The following HTRA2 variants were observed in gnomAD, a reference collection of about 807,000 sequenced individuals.
The protein encoded by HTRA2 is serine protease HTRA2, mitochondrial.
HTRA2 carries 24 observed loss-of-function variants against 42.2 expected under a neutral mutation model. That is an observed-to-expected ratio of 0.57 (90% CI 0.41 to 0.80). The LOEUF (loss-of-function observed/expected upper bound fraction) is 0.80. HTRA2 is among the 30% of genes least tolerant of loss of function. HTRA2 has a pLI of 0.00. For missense variants in HTRA2, 466 were observed against 613.5 expected, an observed-to-expected ratio of 0.76 and a Z score of 2.54; for synonymous variants, 245 against 255.8, an observed-to-expected ratio of 0.96 and a Z score of 0.40.
chr2:74,531,636 G>A lies in HTRA2; in HGVS notation c.979G>A (p.Ala327Thr). Residue 327 changes from alanine (A) to threonine (T), a missense_variant, in exon 5 of 8, where the codon GCT becomes ACT. Around this residue, in one of 3 missense-constraint regions of HTRA2, gnomAD observed 115 missense variants for 245.4 expected, o/e 0.47. Coordinates refer to ENST00000258080, the MANE Select transcript of HTRA2 (RefSeq NM_013247.5). ...VIGVNTMKVT[A>T]GISFAIPSDR... ...TGGAGTGAACACCATGAAGGTCACAGCTGGAATCTCCTTTGCCATCCCTTC... is the reference window on the plus strand; with the variant it reads ...TGGAGTGAACACCATGAAGGTCACAACTGGAATCTCCTTTGCCATCCCTTC... 2.5e-6 allele frequency: 4 copies of A among 1,614,210 alleles called. No individual in the cohort carries two copies. Among genetic ancestry groups the A allele is most frequent in the Non-Finnish European group, 3.4e-6 (4 of 1,180,046 alleles).
intron 3 of HTRA2, 69 bp downstream of exon 3, chr2:74,531,174 A>G (rs1390877681): frequency 6.4e-7 from 1 of 1,573,508 alleles, no homozygotes; most frequent in African/African-American, 1.3e-5. Context: ...TACAAGCACC[A>G]ACTGATATAT....
At chr2:74,533,430 C>T (rs1276013343), downstream of HTRA2, 7 of 608,962 alleles carry the variant, frequency 1.1e-5, no homozygotes, top group South Asian at 7.8e-5. Flanking sequence ...GCTACAGATA[C>T]TGACAGCTGG....
At position 74,530,766 on chromosome 2, in the gene HTRA2, TG is replaced by T. The variant is rs1273862094; in HGVS notation, c.658del (p.Val220SerfsTer13). 6.2e-7 allele frequency: 1 copy of T among 1,614,110 alleles called. No homozygotes were observed. ...CTAAGCGGCGACACGTATGAGGCCG[TG>T]GTCACAGCTGTGGATCCCGTGGCAG... is the stretch of plus-strand genomic sequence containing the variant. ...RLLSGDTYEA[V>X]VTAVDPVADI... On this transcript the variant is annotated frameshift_variant, in exon 2 of 8. Transcript: ENST00000258080. LOFTEE classifies it high-confidence loss of function. The surrounding 1 kb of genome is among the most constrained non-coding windows in gnomAD (Gnocchi z 7.4).
chr2:74,532,067 C>A, intron 6 of HTRA2, 142 bp downstream of exon 6: 1 of 848,862 alleles, frequency 1.2e-6, no homozygotes, highest in Non-Finnish European at 1.9e-6. Context: ...TGTCTCCCTT[C>A]ATCATCTTGA....
At chr2:74,531,255 A>C (rs1247320528) in intron 3 of HTRA2, 84 bp from the exon 4 acceptor site, 3 of 1,570,282 alleles carry the variant, frequency 1.9e-6, no homozygotes, top group Non-Finnish European at 2.6e-6. Context: ...GAAAGAAGAG[A>C]ATTTGGAGAA....
At chr2:74,533,322 T>C, downstream of HTRA2, 1 of 531,292 alleles carries the variant, frequency 1.9e-6, no homozygotes, top group East Asian at 3.3e-5. Context: ...TGCTGCCATC[T>C]TTTGTGGGCA....
Position 74,530,387 on chromosome 2 carries a change from T to G in HTRA2, c.381T>G (p.Gly127=). Residue 127 remains glycine, a synonymous_variant, in exon 1 of 8, where the codon GGT becomes GGG. Transcript: ENST00000258080. This position sits in a 1 kb window ranked among gnomAD's most constrained non-coding sequence, Gnocchi z 7.4. ...TGTTGTTGTGGGGCGGGGGTCGGGG[T>G]CCTCCGGCCGTCCTCGCCGCCGTCC... The part of the protein sequence containing the change: ...VLLLLWGGGR[G]PPAVLAAVPS... 6.3e-7 allele frequency: 1 copy of G among 1,591,044 alleles called. No individual in the cohort carries two copies. The highest frequency in any genetic ancestry group is 8.5e-7 in the Non-Finnish European group (1 of 1,171,298).
Position 74,530,470 on chromosome 2 carries a change from A to T in HTRA2, c.464A>T (p.Glu155Val). The change falls in exon 1 of 8, where the codon GAG becomes GTG. Residue 155 changes from glutamate (E) to valine (V), a missense_variant. This residue lies in a region of HTRA2 where 115 missense variants were observed against 245.4 expected (regional missense o/e 0.47). Transcript: ENST00000258080. The surrounding 1 kb of genome is among the most constrained non-coding windows in gnomAD (Gnocchi z 7.4). ...TACAACTTCATCGCAGATGTGGTGG[A>T]GAAGACAGCACCTGCCGTGGTCTAT... is the stretch of plus-strand genomic sequence containing the variant. ...SQYNFIADVV[E>V]KTAPAVVYIE... The T allele has an allele frequency of 6.2e-7, 1 of 1,607,880 alleles. No homozygotes were observed. The highest frequency in any genetic ancestry group is 8.5e-7 in the Non-Finnish European group (1 of 1,179,974).
intron 5 of HTRA2, 43 bp from the exon 6 acceptor site, chr2:74,531,813 G>T: frequency 1.2e-6 from 2 of 1,612,874 alleles, no homozygotes; most frequent in Non-Finnish European, 1.7e-6. Context: ...GGCAGGGAAG[G>T]AAGGATGTAG....
Position 74,533,151 on chromosome 2 carries a change from T to C in HTRA2, c.*166T>C. 1 of 632,280 alleles carries C rather than the reference T, an allele frequency of 1.6e-6. No individual in the cohort carries two copies. Among genetic ancestry groups the C allele is most frequent in the Non-Finnish European group, 2.8e-6 (1 of 362,660 alleles). 39.2% of individuals were successfully genotyped at this position (632,280 alleles called of 1,614,324 possible). On this transcript the variant is annotated 3_prime_UTR_variant, in exon 8 of 8. Coordinates refer to ENST00000258080, the MANE Select transcript of HTRA2 (RefSeq NM_013247.5). ...TGAAGAATCACAGAAACACTTTTTA[T>C]ATAAAATAAAATTATACCTAGCAAC...
At chr2:74,531,435 C>T (rs2104373308) in intron 4 of HTRA2, 64 bp downstream of exon 4, 1 of 1,607,568 alleles carries the variant, frequency 6.2e-7, no homozygotes, top group South Asian at 1.1e-5. Flanking sequence ...GGGTAGGTTT[C>T]CCCTAATTCA....
At chr2:74,532,511 C>T in intron 6 of HTRA2, 108 bp from the exon 7 acceptor site, 1 of 832,396 alleles carries the variant, frequency 1.2e-6, no homozygotes, top group Middle Eastern at 3.3e-4. Context: ...GTACCTAGCC[C>T]ATGTCCTGTC....
chr2:74,533,248 TC>T lies in HTRA2; in HGVS notation c.*268del, dbSNP rs1445452997. 1 of 555,718 alleles carries T rather than the reference TC, an allele frequency of 1.8e-6. No individual in the cohort carries two copies. The highest frequency in any genetic ancestry group is 3.2e-6 in the Non-Finnish European group (1 of 312,512). 34.4% of individuals were successfully genotyped at this position (555,718 alleles called of 1,614,324 possible). On this transcript the variant is annotated 3_prime_UTR_variant, in exon 8 of 8. Transcript: ENST00000258080. ...CCAAAAGGCTAGAGGTAAAGCTGTATCCCCCTAAACTTAGGGGAGATACTGG... is the reference window on the plus strand; with the variant it reads ...CCAAAAGGCTAGAGGTAAAGCTGTATCCCCTAAACTTAGGGGAGATACTGG...
chr2:74,533,540 G>C, downstream of HTRA2: 1 of 1,442,094 alleles, frequency 6.9e-7, no homozygotes, highest in South Asian at 1.2e-5. Context: ...GTAAGCTCCT[G>C]AGGTAATGGC....
chr2:74,531,278 C>T (rs1303690097), intron 3 of HTRA2, 61 bp from the exon 4 acceptor site: 6 of 1,591,886 alleles, frequency 3.8e-6, no homozygotes, highest in African/African-American at 2.7e-5. Flanking sequence ...TACCTACATC[C>T]TGGTATGCCC....
chr2:74,530,977 A>G lies in HTRA2; in HGVS notation c.778A>G (p.Met260Val), dbSNP rs1447876707. 2 of 1,614,200 alleles carry G rather than the reference A, an allele frequency of 1.2e-6. No individual in the cohort carries two copies. The highest frequency in any genetic ancestry group is 1.6e-4 in the Middle Eastern group (1 of 6,062). Residue 260 changes from methionine (M) to valine (V), a missense_variant, in exon 3 of 8, where the codon ATG (methionine) becomes GTG (valine). This residue lies in a region of HTRA2 where 115 missense variants were observed against 245.4 expected (regional missense o/e 0.47). Coordinates refer to ENST00000258080, the MANE Select transcript of HTRA2 (RefSeq NM_013247.5). This position sits in a 1 kb window ranked among gnomAD's most constrained non-coding sequence, Gnocchi z 7.4. ...CCGGCAAGGGGAGTTTGTTGTTGCC[A>G]TGGGAAGTCCCTTTGCACTGCAGAA... ...DVRQGEFVVA[M>V]GSPFALQNTI...
chr2:74,530,423 G>A lies in HTRA2; in HGVS notation c.417G>A (p.Pro139=). ...TCCTCGCCGCCGTCCCTAGCCCGCC[G>A]CCCGCTTCTCCCCGGAGTCAGTACA... ...PAVLAAVPSP[P]PASPRSQYNF... The change falls in exon 1 of 8, where the codon CCG becomes CCA. Residue 139 remains proline, a synonymous_variant. Coordinates refer to ENST00000258080, the MANE Select transcript of HTRA2 (RefSeq NM_013247.5). This position sits in a 1 kb window ranked among gnomAD's most constrained non-coding sequence, Gnocchi z 7.4. The A allele has an allele frequency of 1.2e-6, 2 of 1,601,954 alleles. No individual in the cohort carries two copies. The highest frequency in any genetic ancestry group is 1.7e-6 in the Non-Finnish European group (2 of 1,178,046).
chr2:74,530,734 G>A lies in HTRA2; in HGVS notation c.624G>A (p.Val208=). The change falls in exon 2 of 8, where the codon GTG becomes GTA. Residue 208 remains valine, a synonymous_variant. Coordinates refer to ENST00000258080, the MANE Select transcript of HTRA2 (RefSeq NM_013247.5). The surrounding 1 kb of genome is among the most constrained non-coding windows in gnomAD (Gnocchi z 7.4). ...TGGCTGATCGGCGCAGAGTCCGTGT[G>A]AGACTGCTAAGCGGCGACACGTATG... ...HVVADRRRVR[V]RLLSGDTYEA... 1 of 1,614,226 alleles carries A rather than the reference G, an allele frequency of 6.2e-7. No individual in the cohort carries two copies. The highest frequency in any genetic ancestry group is 8.5e-7 in the Non-Finnish European group (1 of 1,180,036).
At chr2:74,529,743 G>C, upstream of HTRA2, 1 of 1,512,464 alleles carries the variant, frequency 6.6e-7, no homozygotes, top group Non-Finnish European at 8.8e-7. Context: ...GAGGGGACCC[G>C]AAGTCCTGAG....
Sources: gnomAD v4.1 joint callset for allele counts on GRCh38, gnomAD v4.1.1 for gene constraint, gnomAD v4.1.1 regional missense constraint, Gnocchi (gnomAD v3.1) non-coding constraint, MANE v1.5 for transcripts, NCBI Gene and HGNC (gene_info 2026-07-23, HGNC 2026-07-21) for gene names.